GPC6: variants seen among roughly 807,000 people sequenced by gnomAD.
GPC6 encodes the protein glypican 6, also known as glypican-6.
In GPC6, 14 loss-of-function variants were observed where a neutral mutation model predicts 55.2. The ratio of observed to expected loss-of-function variants is 0.25; its 90% CI spans 0.17 to 0.40. The LOEUF is 0.40. Among genes scored for constraint, GPC6 ranks in the 10% least tolerant of loss-of-function variants. The probability of loss-of-function intolerance (pLI) is 1.00; values close to 1 mark genes in which losing one functional copy is unlikely to be tolerated. For synonymous variants in GPC6, 278 were observed against 259.6 expected (o/e 1.07, Z -0.68); for missense variants, 641 against 708.5 (o/e 0.90, Z 1.08).
intron 1 of GPC6, among the ~76,000 whole-genome samples, chr13:93,380,457 G>A (rs1050626276): frequency 6.6e-6 from 1 of 152,168 alleles, no homozygotes; most frequent in African/African-American, 2.4e-5. Flanking sequence ...AGGGTGATGC[G>A]TAAAGAGAAG....
chr13:93,538,508 C>T (rs977528290), intron 1 of GPC6, among the ~76,000 whole-genome samples: 4 of 152,132 alleles, frequency 2.6e-5, no homozygotes, highest in African/African-American at 7.2e-5. Flanking sequence ...GACAATTGTG[C>T]TCACATGCCC....
chr13:93,897,903 T>A (rs1876105775), intron 3 of GPC6, among the ~76,000 whole-genome samples: 1 of 152,168 alleles, frequency 6.6e-6, no homozygotes, highest in Admixed American at 6.6e-5. Flanking sequence ...ACTTTCCCAA[T>A]TCCCTATATC....
chr13:94,119,046 GTA>G (rs140850732), intron 4 of GPC6, among the ~76,000 whole-genome samples: 9 of 151,314 alleles, frequency 5.9e-5, no homozygotes, highest in Admixed American at 3.3e-4. Context: ...ATATGTATGT[GTA>G]TATATATATA....
At chr13:94,153,968 T>C (rs1208002964) in intron 4 of GPC6, among the ~76,000 whole-genome samples, 1 of 152,146 alleles carries the variant, frequency 6.6e-6, no homozygotes, top group Non-Finnish European at 1.5e-5. Flanking sequence ...AAAAATACTA[T>C]ATAAGACTTC....
At chr13:94,312,922 G>T (rs139277231) in intron 6 of GPC6, among the ~76,000 whole-genome samples, 2 of 152,262 alleles carry the variant, frequency 1.3e-5, no homozygotes, top group African/African-American at 4.8e-5. Flanking sequence ...CAAACAAATG[G>T]CTACTGCTTC....
At chr13:93,736,401 A>G (rs1023939773) in intron 2 of GPC6, among the ~76,000 whole-genome samples, 1 of 152,228 alleles carries the variant, frequency 6.6e-6, no homozygotes, top group African/African-American at 2.4e-5. Context: ...ATCTATTTTT[A>G]ATATGTTCCA....
At chr13:94,380,957 G>T (rs750077080) in intron 6 of GPC6, among the ~76,000 whole-genome samples, 2 of 151,984 alleles carry the variant, frequency 1.3e-5, no homozygotes, top group Non-Finnish European at 2.9e-5. Context: ...CCTGAGTTTC[G>T]GTTTGTCTGA....
At chr13:93,590,775 G>A (rs1392364217) in intron 2 of GPC6, among the ~76,000 whole-genome samples, 2 of 152,048 alleles carry the variant, frequency 1.3e-5, no homozygotes, top group African/African-American at 2.4e-5. Flanking sequence ...TTTAAACTTT[G>A]TAAGCCTTTA....
In GPC6 at chr13:94,014,864, A is replaced by G. The variant is rs77403510; in HGVS notation, c.712-12865A>G. Among the ~76,000 whole-genome samples, 1,362 of 152,350 alleles carry G rather than the reference A, an allele frequency of 8.9e-3. 23 individuals carry two copies. The highest frequency in any genetic ancestry group is 0.03 in the African/African-American group (1,232 of 41,572). ...TTCATCCATGATGCAGTATGTATCC[A>G]AATTTTATTCCTTTTAATTGGTGAA... is the stretch of plus-strand genomic sequence containing the variant. On this transcript the variant is annotated intron_variant, in intron 3 of 8. Transcript: ENST00000377047.
intron 2 of GPC6, among the ~76,000 whole-genome samples, chr13:93,556,373 A>AGTGC (rs1491374794): frequency 1.5e-3 from 195 of 134,190 alleles, no homozygotes; most frequent in Non-Finnish European, 1.5e-3. Flanking sequence ...GTGGGTAAAT[A>AGTGC]GTGTGTGTGT....
intron 3 of GPC6, among the ~76,000 whole-genome samples, chr13:93,987,616 C>G (rs1214987051): frequency 6.6e-6 from 1 of 152,094 alleles, no homozygotes; most frequent in Non-Finnish European, 1.5e-5. Flanking sequence ...GTGTCACTTT[C>G]CTATGTGTGT....
intron 4 of GPC6, among the ~76,000 whole-genome samples, chr13:94,190,823 G>A (rs757468510): frequency 5.9e-5 from 9 of 152,042 alleles, no homozygotes; most frequent in Non-Finnish European, 7.4e-5. Context: ...TAACATATGA[G>A]TAGCATATAT....
At chr13:93,306,280 A>C (rs1878853167) in intron 1 of GPC6, among the ~76,000 whole-genome samples, 1 of 152,154 alleles carries the variant, frequency 6.6e-6, no homozygotes, top group African/African-American at 2.4e-5. Flanking sequence ...GATGAGAGTA[A>C]ACACTGTATC....
chr13:93,325,608 C>A (rs1424299736), intron 1 of GPC6, among the ~76,000 whole-genome samples: 1 of 152,098 alleles, frequency 6.6e-6, no homozygotes, highest in African/African-American at 2.4e-5. Context: ...AGGAAAATCA[C>A]TTACTGGGTA....
intron 3 of GPC6, among the ~76,000 whole-genome samples, chr13:93,898,635 T>C (rs529301961): frequency 5.1e-5 from 7 of 138,576 alleles, no homozygotes; most frequent in African/African-American, 1.8e-4. Context: ...CCATATTGTG[T>C]TTGTTTTTTT....
intron 1 of GPC6, among the ~76,000 whole-genome samples, chr13:93,282,095 G>A (rs942867940): frequency 2.6e-5 from 4 of 152,034 alleles, no homozygotes; most frequent in African/African-American, 9.7e-5. Flanking sequence ...TTTTTGGATT[G>A]AACATTTACT....
intron 1 of GPC6, among the ~76,000 whole-genome samples, chr13:93,443,803 G>C (rs184745985): frequency 6.6e-6 from 1 of 152,230 alleles, no homozygotes; most frequent in Non-Finnish European, 1.5e-5. Flanking sequence ...CCTTAATCAT[G>C]ATCTAAGGAG....
intron 3 of GPC6, among the ~76,000 whole-genome samples, chr13:93,874,836 T>C (rs888033473): frequency 4.0e-5 from 6 of 151,886 alleles, no homozygotes; most frequent in African/African-American, 1.4e-4. Context: ...GACCTTATCC[T>C]AGTTACATCT....
At chr13:93,697,066 T>A (rs1882486119) in intron 2 of GPC6, among the ~76,000 whole-genome samples, 1 of 152,164 alleles carries the variant, frequency 6.6e-6, no homozygotes, top group East Asian at 1.9e-4. Context: ...CCAATTTGTA[T>A]AGGATTGCTT....
Sources: gnomAD v4.1 joint callset for allele counts (sites outside exome capture counted in the v4.1 genomes callset) on GRCh38, gnomAD v4.1.1 for gene constraint, MANE v1.5 for transcripts, NCBI Gene and HGNC (gene_info 2026-07-23, HGNC 2026-07-21) for gene names.